Variants in ATXN1 observed in about 807,000 individuals in gnomAD.
ATXN1 encodes ataxin-1.
ATXN1 carries 8 observed loss-of-function variants against 56.4 expected under a neutral mutation model. The observed-to-expected ratio is 0.14, with a 90% CI of 0.08 to 0.26. The LOEUF (loss-of-function observed/expected upper bound fraction) is 0.26. ATXN1 is among the 10% of genes least tolerant of loss of function. The pLI is 1.00. For synonymous variants in ATXN1, 514 were observed against 494.6 expected, an observed-to-expected ratio of 1.04 and a Z score of -0.52; for missense variants, 987 against 1,106.5, an observed-to-expected ratio of 0.89 and a Z score of 1.53.
chr6:16,493,933 C>G (rs1760721807), intron 5 of ATXN1, among the ~76,000 whole-genome samples: 1 of 152,202 alleles, frequency 6.6e-6, no homozygotes, highest in African/African-American at 2.4e-5. Context: ...GAGAAGCTGC[C>G]AGGGCTGCTG....
At position 16,327,422 on chromosome 6, in the gene ATXN1, C is replaced by A. The variant is rs762482364; in HGVS notation, c.889G>T (p.Gly297Cys). 1.2e-6 allele frequency: 2 copies of A among 1,613,590 alleles called. No individual in the cohort carries two copies. The highest frequency in any genetic ancestry group is 2.7e-5 in the African/African-American group (2 of 74,918). The change falls in exon 7 of 8, where the codon GGC becomes TGC. Residue 297 changes from glycine to cysteine, a missense_variant. By Grantham distance (159) the Gly-to-Cys change is radical. Transcript: ENST00000436367. The stretch of plus-strand genomic sequence containing the variant: ...GCCTCCCGAGGGACAAAGTGGCTGC[C>A]GGAGTCGGCGTATTGCATGACGACC... The part of the protein sequence containing the change: ...SQVVMQYADS[G>C]SHFVPREATK...
chr6:16,488,204 G>A (rs1561722138), intron 5 of ATXN1, among the ~76,000 whole-genome samples: 3 of 152,100 alleles, frequency 2.0e-5, no homozygotes, highest in Non-Finnish European at 4.4e-5. Flanking sequence ...AAGTCACTCC[G>A]TTATCACAGT....
intron 5 of ATXN1, among the ~76,000 whole-genome samples, chr6:16,494,801 A>G (rs1281362145): frequency 6.6e-6 from 1 of 152,246 alleles, no homozygotes; most frequent in Non-Finnish European, 1.5e-5. Context: ...ACAAGATGTC[A>G]TGTGCTCCTA....
chr6:16,437,238 G>T (rs1759412153), intron 6 of ATXN1, among the ~76,000 whole-genome samples: 1 of 152,216 alleles, frequency 6.6e-6, no homozygotes, highest in African/African-American at 2.4e-5. Context: ...GGAAACCAGA[G>T]GCTGCTACTT....
intron 2 of ATXN1, among the ~76,000 whole-genome samples, chr6:16,744,215 G>C (rs1202856578): frequency 6.6e-6 from 1 of 152,064 alleles, no homozygotes; most frequent in African/African-American, 2.4e-5. Flanking sequence ...CTAGGAAGTT[G>C]TTCCCAACCT....
Position 16,489,710 on chromosome 6 carries a change from T to C in ATXN1, c.-298-3601A>G, listed in dbSNP as rs376288844. Among the ~76,000 whole-genome samples, 11 of 152,198 alleles carry C rather than the reference T, an allele frequency of 7.2e-5. No homozygotes were observed. In the East Asian group the frequency reaches 1.4e-3, roughly 19 times the overall value. ...GCTCACACCTGTAATCCCAGCACTT[T>C]GGGAGGCTGAGGCAGGAAGGTGGCT... is the stretch of plus-strand genomic sequence containing the variant. On this transcript the variant is annotated intron_variant, in intron 5 of 7. Transcript: ENST00000436367.
chr6:16,660,119 T>C (rs963455568), intron 2 of ATXN1, among the ~76,000 whole-genome samples: 1 of 152,252 alleles, frequency 6.6e-6, no homozygotes, highest in African/African-American at 2.4e-5. Context: ...TTCTACACAC[T>C]TCTTTTTAAG....
chr6:16,509,656 G>A (rs887745409), intron 5 of ATXN1, among the ~76,000 whole-genome samples: 17 of 152,154 alleles, frequency 1.1e-4, no homozygotes, highest in Non-Finnish European at 2.2e-4. Flanking sequence ...CTCTTGGAAT[G>A]GGCTGTCACT....
chr6:16,503,614 C>T (rs1373853345), intron 5 of ATXN1, among the ~76,000 whole-genome samples: 1 of 152,168 alleles, frequency 6.6e-6, no homozygotes, highest in Admixed American at 6.5e-5. Context: ...CTTAAACTAA[C>T]CTCAGAGTAA....
chr6:16,366,297 T>C (rs1358450128), intron 6 of ATXN1, among the ~76,000 whole-genome samples: 2 of 152,172 alleles, frequency 1.3e-5, no homozygotes, highest in Non-Finnish European at 2.9e-5. Context: ...GGAAATGACA[T>C]TATATTACCC....
At chr6:16,316,031 T>C (rs1357245194) in intron 7 of ATXN1, among the ~76,000 whole-genome samples, 1 of 152,166 alleles carries the variant, frequency 6.6e-6, no homozygotes, top group Non-Finnish European at 1.5e-5. Context: ...AACAGACCAG[T>C]AGCAGTCCAT....
In ATXN1 at chr6:16,392,040, T is replaced by C. The variant is rs150221012; in HGVS notation, c.-160-63570A>G. 9.7e-3 allele frequency among the ~76,000 whole-genome samples: 1,470 copies of C among 152,288 alleles called. 12 individuals are homozygous for C. The highest frequency in any genetic ancestry group is 0.014 in the Non-Finnish European group (931 of 68,012). On this transcript the variant is annotated intron_variant, in intron 6 of 7. Coordinates refer to ENST00000436367, the MANE Select transcript of ATXN1 (RefSeq NM_001128164.2). The stretch of plus-strand genomic sequence containing the variant: ...GCACCAGGAGGCAGAGAAACAGAGC[T>C]GGGTGGCAGAAACTCTATGATACCC...
chr6:16,367,702 G>C (rs1761952383), intron 6 of ATXN1, among the ~76,000 whole-genome samples: 1 of 137,862 alleles, frequency 7.3e-6, no homozygotes, highest in Non-Finnish European at 1.5e-5. Context: ...TCTTCTTCTT[G>C]CCTTGCAAGA....
intron 2 of ATXN1, among the ~76,000 whole-genome samples, chr6:16,669,469 G>C (rs12660684): frequency 6.6e-6 from 1 of 152,126 alleles, no homozygotes. Flanking sequence ...CCATTTTAGT[G>C]TATTTTAAGT....
chr6:16,677,140 C>T (rs1440099150), intron 2 of ATXN1, among the ~76,000 whole-genome samples: 1 of 148,682 alleles, frequency 6.7e-6, no homozygotes, highest in Non-Finnish European at 1.5e-5. Flanking sequence ...CAACCTGAGT[C>T]AGGGAGACAA....
chr6:16,386,396 AT>A (rs1428578267), intron 6 of ATXN1, among the ~76,000 whole-genome samples: 2 of 152,240 alleles, frequency 1.3e-5, no homozygotes, highest in African/African-American at 4.8e-5. Flanking sequence ...GGCTGAGAAC[AT>A]TTTAACATAT....
intron 5 of ATXN1, among the ~76,000 whole-genome samples, chr6:16,510,183 C>T (rs1761055555): frequency 6.6e-6 from 1 of 152,172 alleles, no homozygotes; most frequent in Non-Finnish European, 1.5e-5. Flanking sequence ...TCAAATATGG[C>T]TTCTGTCTTC....
At chr6:16,393,343 T>C (rs1758392600) in intron 6 of ATXN1, among the ~76,000 whole-genome samples, 1 of 152,142 alleles carries the variant, frequency 6.6e-6, no homozygotes, top group African/African-American at 2.4e-5. Context: ...CAAGCAATCC[T>C]CCCACATCAG....
At chr6:16,472,067 G>T (rs1332401949) in intron 6 of ATXN1, among the ~76,000 whole-genome samples, 3 of 152,146 alleles carry the variant, frequency 2.0e-5, no homozygotes, top group East Asian at 1.9e-4. Context: ...GCTTAGAATG[G>T]TTACAGCGCT....
Sources: allele counts gnomAD v4.1 joint callset (sites outside exome capture counted in the v4.1 genomes callset), GRCh38; gene constraint gnomAD v4.1.1; transcripts MANE v1.5; gene names NCBI Gene and HGNC (gene_info 2026-07-23, HGNC 2026-07-21).